RMDN2: variants seen among roughly 807,000 people sequenced by gnomAD.
RMDN2 encodes the protein regulator of microtubule dynamics 2.
In RMDN2, 61 loss-of-function variants were observed where a neutral mutation model predicts 52.8. The observed-to-expected ratio is 1.16, with a 90% CI of 0.94 to 1.43. The LOEUF is 1.43. Ranked by LOEUF, RMDN2 falls within the 40% of genes most tolerant of loss-of-function variation. RMDN2 has a pLI of 0.00. For synonymous variants in RMDN2, 180 were observed against 153.1 expected (o/e 1.18, Z -1.30); for missense variants, 592 against 475.3 (o/e 1.25, Z -2.28).
chr2:37,937,883 C>T (rs1667443334), intron 2 of RMDN2, among the ~76,000 whole-genome samples: 1 of 152,176 alleles, frequency 6.6e-6, no homozygotes. Context: ...CCCTTTATTT[C>T]TTTCTCTTTC....
chr2:38,044,121 G>A (rs1161400555), intron 10 of RMDN2, among the ~76,000 whole-genome samples: 1 of 151,972 alleles, frequency 6.6e-6, no homozygotes, highest in Non-Finnish European at 1.5e-5. Flanking sequence ...GTCTAAGAAA[G>A]TCTTATTTTT....
At chr2:37,977,019 G>C (rs1317203920) in intron 4 of RMDN2, among the ~76,000 whole-genome samples, 2 of 151,734 alleles carry the variant, frequency 1.3e-5, no homozygotes, top group Non-Finnish European at 2.9e-5. Context: ...TGTGTCCCTG[G>C]GTACTTCAGA....
chr2:38,040,878 A>AT (rs1440636682), intron 10 of RMDN2, among the ~76,000 whole-genome samples: 1 of 151,980 alleles, frequency 6.6e-6, no homozygotes, highest in South Asian at 2.1e-4. Flanking sequence ...ATTTATTTAG[A>AT]TTTTTTATTT....
chr2:38,034,861 A>AG (rs1553386315), intron 10 of RMDN2, among the ~76,000 whole-genome samples: 1 of 132,228 alleles, frequency 7.6e-6, no homozygotes, highest in Non-Finnish European at 1.8e-5. Context: ...CTGTTTTAAT[A>AG]TTTAAAAAAA....
At chr2:38,052,216 T>G (rs747690470) in intron 10 of RMDN2, among the ~76,000 whole-genome samples, 3 of 152,238 alleles carry the variant, frequency 2.0e-5, no homozygotes, top group African/African-American at 7.2e-5. Flanking sequence ...ACATTGTAAC[T>G]GTGGTAAGAT....
intron 2 of RMDN2, among the ~76,000 whole-genome samples, chr2:37,941,176 G>C (rs114588941): frequency 0.011 from 1,655 of 152,310 alleles, 36 homozygotes; most frequent in African/African-American, 0.038. Flanking sequence ...GCTGGAGTTT[G>C]CTGGGAGTCC....
At position 37,972,879 on chromosome 2, in the gene RMDN2, G is replaced by A. The variant is rs1483433945; in HGVS notation, c.453-1161G>A. Among the ~76,000 whole-genome samples the A allele has an allele frequency of 3.3e-5, 5 of 152,190 alleles. No homozygotes were observed. In the South Asian group the frequency reaches 6.2e-4, roughly 19 times the overall value. ...GAGCAATTGGAAGAGTAGAGTTTCC[G>A]TTAGTAAAGAATGTTATTGAAGAAG... On this transcript the variant is annotated intron_variant, in intron 2 of 10. Coordinates refer to ENST00000354545, the MANE Select transcript of RMDN2 (RefSeq NM_001170791.3).
At chr2:37,954,037 T>A (rs140786161) in intron 2 of RMDN2, among the ~76,000 whole-genome samples, 5 of 152,012 alleles carry the variant, frequency 3.3e-5, no homozygotes, top group Non-Finnish European at 5.9e-5. Flanking sequence ...TCCTTTTTTT[T>A]AAATCAGGTT....
At chr2:37,979,204 G>C (rs1466622395) in intron 4 of RMDN2, among the ~76,000 whole-genome samples, 5 of 152,054 alleles carry the variant, frequency 3.3e-5, no homozygotes, top group African/African-American at 1.2e-4. Flanking sequence ...TTTTGTCAAG[G>C]AACAGTGTGA....
intron 3 of RMDN2, 26 bp downstream of exon 3, chr2:37,974,240 G>C (rs200275843): frequency 1.4e-6 from 2 of 1,467,406 alleles, no homozygotes; most frequent in Non-Finnish European, 1.8e-6. Context: ...ATAGCACTTC[G>C]TATAGTTCCA....
intron 7 of RMDN2, among the ~76,000 whole-genome samples, chr2:37,996,245 C>T (rs1033171709): frequency 2.6e-5 from 4 of 151,824 alleles, no homozygotes; most frequent in Non-Finnish European, 5.9e-5. Context: ...AATAAGCATA[C>T]GAATAAGAAA....
At chr2:37,964,924 G>A (rs775565607) in intron 2 of RMDN2, among the ~76,000 whole-genome samples, 1 of 152,112 alleles carries the variant, frequency 6.6e-6, no homozygotes, top group African/African-American at 2.4e-5. Context: ...GAAGGATGAT[G>A]TTGAGTGCAT....
chr2:38,043,254 G>A (rs1048980498), intron 10 of RMDN2, among the ~76,000 whole-genome samples: 24 of 152,218 alleles, frequency 1.6e-4, no homozygotes, highest in African/African-American at 5.8e-4. Flanking sequence ...GACCATCTCT[G>A]TGTCTCTGAC....
At chr2:37,951,977 A>G (rs919633069) in intron 2 of RMDN2, 11 of 1,613,440 alleles carry the variant, frequency 6.8e-6, no homozygotes, top group Non-Finnish European at 9.3e-6. Context: ...CTCGTCCTGA[A>G]AGTTACAGCA....
At chr2:38,044,515 A>G (rs776305164) in intron 10 of RMDN2, among the ~76,000 whole-genome samples, 2 of 149,192 alleles carry the variant, frequency 1.3e-5, no homozygotes, top group African/African-American at 2.5e-5. Flanking sequence ...CCCATTATGC[A>G]TATGTTACAC....
chr2:38,046,818 A>G (rs1418172683), intron 10 of RMDN2, among the ~76,000 whole-genome samples: 2 of 152,204 alleles, frequency 1.3e-5, no homozygotes, highest in Non-Finnish European at 2.9e-5. Context: ...CCCCGTCTCT[A>G]CGAAAAATAC....
chr2:37,949,364 G>A (rs1237075234), intron 2 of RMDN2, among the ~76,000 whole-genome samples: 1 of 152,152 alleles, frequency 6.6e-6, no homozygotes, highest in Non-Finnish European at 1.5e-5. Flanking sequence ...TCTAAGCTCA[G>A]CGTTCTTTCC....
At chr2:37,952,241 A>C (rs745634978) in intron 2 of RMDN2, 1 of 1,597,566 alleles carries the variant, frequency 6.3e-7, no homozygotes, top group East Asian at 2.2e-5. Flanking sequence ...GGGCACCTCA[A>C]ATAGTTTTCC....
At chr2:38,000,992 A>G (rs998836999) in intron 8 of RMDN2, among the ~76,000 whole-genome samples, 4 of 152,194 alleles carry the variant, frequency 2.6e-5, no homozygotes, top group Admixed American at 2.0e-4. Context: ...GGGTGTGTGT[A>G]GTAAATGACA....
Sources: gnomAD v4.1 joint callset for allele counts (sites outside exome capture counted in the v4.1 genomes callset) on GRCh38, gnomAD v4.1.1 for gene constraint, MANE v1.5 for transcripts, NCBI Gene and HGNC (gene_info 2026-07-23, HGNC 2026-07-21) for gene names.